Variants in KRABD5 observed in about 807,000 individuals in gnomAD.
KRABD5 encodes KRAB domain containing 5.
At chr16:31,722,489 A>C in the KRABD5 span, 2 of 948,350 alleles carry the variant, frequency 2.1e-6, no homozygotes, top group Non-Finnish European at 3.2e-6. Flanking sequence ...ATTGTGTTTA[A>C]AAGTATCTTA....
the KRABD5 span, among the ~76,000 whole-genome samples, chr16:31,747,675 C>G: frequency 6.6e-6 from 1 of 152,048 alleles, no homozygotes; most frequent in Non-Finnish European, 1.5e-5. Flanking sequence ...TTTTAATGAT[C>G]GCCATTGTAA....
chr16:31,716,083 A>G, the KRABD5 span, among the ~76,000 whole-genome samples: 1 of 152,190 alleles, frequency 6.6e-6, no homozygotes. Flanking sequence ...ACCCTCAGGA[A>G]TTGTGCCCAT....
chr16:31,715,348 G>A, the KRABD5 span, among the ~76,000 whole-genome samples: 2 of 152,278 alleles, frequency 1.3e-5, no homozygotes, highest in Admixed American at 1.3e-4. Flanking sequence ...AGTCATAACA[G>A]GAAGAAGATT....
chr16:31,758,619 A>C, the KRABD5 span: 1 of 151,892 alleles, frequency 6.6e-6, no homozygotes, highest in East Asian at 1.9e-4. Flanking sequence ...ATTAAAAATG[A>C]AAAAATTAGT....
chr16:31,713,636 G>A, the KRABD5 span: 1 of 687,702 alleles, frequency 1.5e-6, no homozygotes, highest in Non-Finnish European at 2.4e-6. Context: ...ACCCCGCAGA[G>A]CGACCTCTGC....
the KRABD5 span, chr16:31,757,975 A>C: frequency 6.6e-6 from 1 of 152,186 alleles, no homozygotes; most frequent in Non-Finnish European, 1.5e-5. Context: ...AGATAGATAC[A>C]TAGATAGACG....
chr16:31,723,875 C>G, the KRABD5 span, among the ~76,000 whole-genome samples: 1 of 152,216 alleles, frequency 6.6e-6, no homozygotes. Context: ...CTCAGTAATT[C>G]ATCAGAGTGC....
the KRABD5 span, among the ~76,000 whole-genome samples, chr16:31,740,230 C>T: frequency 6.6e-6 from 1 of 152,214 alleles, no homozygotes; most frequent in African/African-American, 2.4e-5. Flanking sequence ...CATTGGCCTA[C>T]TTGATAGTAC....
chr16:31,749,263 G>T, the KRABD5 span, among the ~76,000 whole-genome samples: 2 of 152,318 alleles, frequency 1.3e-5, no homozygotes, highest in East Asian at 3.9e-4. Flanking sequence ...CAGTGTGTTG[G>T]GTTGTCAGGG....
At chr16:31,736,417 T>G in the KRABD5 span, among the ~76,000 whole-genome samples, 645 of 151,966 alleles carry the variant, frequency 4.2e-3, 10 homozygotes, top group African/African-American at 0.015. Context: ...TAGTTTTTTT[T>G]TTTTTTTTCT....
At chr16:31,713,258 G>C in the KRABD5 span, 1 of 774,276 alleles carries the variant, frequency 1.3e-6, no homozygotes, top group Non-Finnish European at 2.1e-6. Flanking sequence ...TTTGGCGGTG[G>C]CCTTTGTTGG....
chr16:31,753,895 G>A, the KRABD5 span: 1 of 1,551,282 alleles, frequency 6.4e-7, no homozygotes, highest in South Asian at 1.2e-5. Flanking sequence ...GAGTGGGAAA[G>A]TGAGGGTAAG....
chr16:31,725,176 C>T, the KRABD5 span, among the ~76,000 whole-genome samples: 9 of 151,110 alleles, frequency 6.0e-5, no homozygotes, highest in Non-Finnish European at 8.8e-5. Context: ...AGTGCAGTGG[C>T]GCCATCTTGG....
At chr16:31,742,641 T>C in the KRABD5 span, among the ~76,000 whole-genome samples, 7 of 152,232 alleles carry the variant, frequency 4.6e-5, no homozygotes, top group East Asian at 1.3e-3. Flanking sequence ...TGTGTCGTTA[T>C]AGTAGAATGA....
the KRABD5 span, among the ~76,000 whole-genome samples, chr16:31,741,683 T>G: frequency 2.0e-5 from 3 of 152,136 alleles, no homozygotes; most frequent in Non-Finnish European, 4.4e-5. Flanking sequence ...TTAAATTTCA[T>G]ATGGATTCTG....
chr16:31,742,825 T>G, the KRABD5 span, among the ~76,000 whole-genome samples: 1 of 152,166 alleles, frequency 6.6e-6, no homozygotes, highest in Non-Finnish European at 1.5e-5. Flanking sequence ...CAGCATCTGT[T>G]GTTTCTTGAC....
the KRABD5 span, among the ~76,000 whole-genome samples, chr16:31,730,559 G>A: frequency 2.0e-5 from 3 of 152,078 alleles, no homozygotes; most frequent in Admixed American, 2.0e-4. Context: ...CTTGCCATGG[G>A]TATTTTGAGC....
chr16:31,729,081 G>T, the KRABD5 span, among the ~76,000 whole-genome samples: 1 of 152,144 alleles, frequency 6.6e-6, no homozygotes, highest in Non-Finnish European at 1.5e-5. Flanking sequence ...TTTGTCTAAT[G>T]TAAGTATAGC....
the KRABD5 span, among the ~76,000 whole-genome samples, chr16:31,746,289 A>T: frequency 2.7e-3 from 409 of 152,216 alleles, 5 homozygotes; most frequent in Middle Eastern, 0.01. Flanking sequence ...TTCTTTCAGT[A>T]GCTCTTGCAA....
Sources: allele counts gnomAD v4.1 joint callset (sites outside exome capture counted in the v4.1 genomes callset), GRCh38; gene constraint gnomAD v4.1.1; transcripts MANE v1.5; gene names NCBI Gene and HGNC (gene_info 2026-07-23, HGNC 2026-07-21).